Variants in DGKB observed in about 807,000 individuals in gnomAD.
DGKB encodes 90 kDa diacylglycerol kinase.
In DGKB, 67 loss-of-function variants were observed where a neutral mutation model predicts 114.3. The ratio of observed to expected loss-of-function variants is 0.59; its 90% confidence interval spans 0.48 to 0.72. The LOEUF (loss-of-function observed/expected upper bound fraction) is 0.72. DGKB is among the 30% of genes least tolerant of loss of function. The pLI, the probability that DGKB is intolerant of heterozygous loss-of-function variation, is 0.00. For synonymous variants in DGKB, 398 were observed against 323.1 expected (o/e 1.23, Z -2.49); for missense variants, 907 against 975.2 (o/e 0.93, Z 0.93).
chr7:14,855,633 T>C (rs1850036710), intron 1 of DGKB, among the ~76,000 whole-genome samples: 1 of 152,152 alleles, frequency 6.6e-6, no homozygotes, highest in Non-Finnish European at 1.5e-5. Context: ...GTGAGTAAGT[T>C]CTTTAAGGAA....
intron 25 of DGKB, among the ~76,000 whole-genome samples, chr7:14,153,567 T>C (rs1224570311): frequency 1.3e-5 from 2 of 152,022 alleles, no homozygotes; most frequent in Non-Finnish European, 2.9e-5. Flanking sequence ...TAGTTGACTC[T>C]CAAATCTCCT....
chr7:14,717,657 T>C (rs1428714500), intron 6 of DGKB, among the ~76,000 whole-genome samples: 1 of 152,122 alleles, frequency 6.6e-6, no homozygotes, highest in East Asian at 1.9e-4. Context: ...TTCTGAGACG[T>C]CATGATTATT....
chr7:14,578,358 A>G (rs1799465802), intron 19 of DGKB, among the ~76,000 whole-genome samples: 1 of 152,240 alleles, frequency 6.6e-6, no homozygotes. Flanking sequence ...GTTTAGCACG[A>G]GAACCTACAA....
At chr7:14,184,988 C>T (rs1402422745) in intron 23 of DGKB, among the ~76,000 whole-genome samples, 1 of 152,120 alleles carries the variant, frequency 6.6e-6, no homozygotes. Flanking sequence ...CCACTCTCAC[C>T]ACTACTCTTC....
intron 1 of DGKB, among the ~76,000 whole-genome samples, chr7:14,855,943 A>C (rs1850078030): frequency 6.6e-6 from 1 of 151,718 alleles, no homozygotes; most frequent in South Asian, 2.1e-4. Context: ...CTTTTCTAGT[A>C]ATACTAGTAG....
intron 23 of DGKB, among the ~76,000 whole-genome samples, chr7:14,183,009 A>T (rs1782863221): frequency 1.3e-5 from 2 of 152,176 alleles, no homozygotes; most frequent in South Asian, 4.1e-4. Context: ...GTACTCATTG[A>T]CTCAGCAGGA....
At chr7:14,706,277 A>G (rs2129019393) in intron 6 of DGKB, among the ~76,000 whole-genome samples, 1 of 146,908 alleles carries the variant, frequency 6.8e-6, no homozygotes, top group South Asian at 2.3e-4. Context: ...TATCCTAAAT[A>G]TACATGCACC....
intron 23 of DGKB, among the ~76,000 whole-genome samples, chr7:14,253,053 GA>G (rs1223468746): frequency 6.7e-6 from 1 of 148,338 alleles, no homozygotes; most frequent in Admixed American, 6.7e-5. Flanking sequence ...TTTTTTTTTA[GA>G]GGGGGAGTCT....
chr7:14,890,710 C>A (rs77838703), intron 1 of DGKB, among the ~76,000 whole-genome samples: 2 of 151,180 alleles, frequency 1.3e-5, no homozygotes, highest in African/African-American at 2.4e-5. Context: ...ATCACCTATT[C>A]TCCTCACGTG....
chr7:14,426,637 T>C (rs1408873429), intron 21 of DGKB, among the ~76,000 whole-genome samples: 1 of 152,174 alleles, frequency 6.6e-6, no homozygotes, highest in Non-Finnish European at 1.5e-5. Context: ...ATGCTAAAAT[T>C]ATGAGTTCAG....
At position 14,436,476 on chromosome 7, in the gene DGKB, G is replaced by A. The variant is rs114522062; in HGVS notation, c.1835+41685C>T. Among the ~76,000 whole-genome samples, 815 of 140,170 alleles carry A rather than the reference G, an allele frequency of 5.8e-3. 7 individuals are homozygous for A. The highest frequency in any genetic ancestry group is 0.02 in the African/African-American group (781 of 39,084). The allele number at this position is 140,170 out of a possible 152,430, so 92.0% of individuals were successfully genotyped here. On this transcript the variant is annotated intron_variant, in intron 21 of 25. Coordinates refer to ENST00000402815, the MANE Select transcript of DGKB (RefSeq NM_001350709.2). Reference sequence around the variant, plus strand: ...CTGAGAATTCCTGCCCTCTCTCTTCGTAAGCATTTCTGACCCCCTGGACAT... The same window carrying A: ...CTGAGAATTCCTGCCCTCTCTCTTCATAAGCATTTCTGACCCCCTGGACAT...
At chr7:14,762,726 T>C (rs1264487664) in intron 2 of DGKB, among the ~76,000 whole-genome samples, 3 of 152,094 alleles carry the variant, frequency 2.0e-5, no homozygotes, top group Non-Finnish European at 2.9e-5. Flanking sequence ...AAAGGCCCCA[T>C]GAAGTAACGG....
At chr7:14,337,119 C>T (rs1249351924) in intron 23 of DGKB, among the ~76,000 whole-genome samples, 1 of 151,996 alleles carries the variant, frequency 6.6e-6, no homozygotes, top group Non-Finnish European at 1.5e-5. Flanking sequence ...AATTGCAATA[C>T]TTAGAATTTT....
chr7:14,425,438 T>G (rs1001174193), intron 21 of DGKB, among the ~76,000 whole-genome samples: 1 of 152,074 alleles, frequency 6.6e-6, no homozygotes, highest in South Asian at 2.1e-4. Flanking sequence ...ATTTACTAAT[T>G]GTCACAGGTG....
intron 23 of DGKB, among the ~76,000 whole-genome samples, chr7:14,315,537 G>T (rs990026893): frequency 2.6e-5 from 4 of 151,480 alleles, no homozygotes; most frequent in African/African-American, 7.3e-5. Context: ...ACACAAAGAA[G>T]GCCATTACAT....
chr7:14,600,643 T>C (rs1351434872), intron 17 of DGKB, among the ~76,000 whole-genome samples: 1 of 151,970 alleles, frequency 6.6e-6, no homozygotes, highest in African/African-American at 2.4e-5. Flanking sequence ...ACAATACCAT[T>C]GAAAAGGGAT....
chr7:14,862,083 T>C (rs1244922009), intron 1 of DGKB, among the ~76,000 whole-genome samples: 2 of 152,026 alleles, frequency 1.3e-5, no homozygotes, highest in African/African-American at 2.4e-5. Flanking sequence ...ACTGTGATTT[T>C]AAATTTTTGC....
At chr7:14,680,999 C>A (rs1271944025) in intron 12 of DGKB, among the ~76,000 whole-genome samples, 4 of 151,316 alleles carry the variant, frequency 2.6e-5, no homozygotes, top group African/African-American at 7.3e-5. Context: ...CTAATCTCAG[C>A]TTATGTTAAA....
chr7:14,853,613 T>C (rs1562723330), intron 1 of DGKB, among the ~76,000 whole-genome samples: 1 of 151,916 alleles, frequency 6.6e-6, no homozygotes, highest in Non-Finnish European at 1.5e-5. Flanking sequence ...ACGCCTGTAA[T>C]TGGGAGGCCG....
Sources: allele counts gnomAD v4.1 joint callset (sites outside exome capture counted in the v4.1 genomes callset), GRCh38; gene constraint gnomAD v4.1.1; transcripts MANE v1.5; gene names NCBI Gene and HGNC (gene_info 2026-07-23, HGNC 2026-07-21).